The following SHISA6 variants were observed in gnomAD, a reference collection of about 807,000 sequenced individuals.
SHISA6 encodes the protein shisa family member 6.
In SHISA6, 22 loss-of-function variants were observed where a neutral mutation model predicts 47.9. The ratio of observed to expected loss-of-function variants is 0.46; its 90% CI spans 0.33 to 0.66. SHISA6 has a LOEUF of 0.66. SHISA6 is among the 30% of genes least tolerant of loss of function. The pLI is 0.02. For missense variants in SHISA6, 680 were observed against 764.6 expected, an observed-to-expected ratio of 0.89 and a Z score of 1.30; for synonymous variants, 388 against 337.8, an observed-to-expected ratio of 1.15 and a Z score of -1.63.
At chr17:11,341,219 A>G (rs2142212874) in intron 2 of SHISA6, among the ~76,000 whole-genome samples, 1 of 152,300 alleles carries the variant, frequency 6.6e-6, no homozygotes, top group East Asian at 1.9e-4. Context: ...TTAATGCAAC[A>G]GCAACAATAA....
At chr17:11,486,569 G>C (rs1916354035) in intron 3 of SHISA6, among the ~76,000 whole-genome samples, 1 of 152,190 alleles carries the variant, frequency 6.6e-6, no homozygotes, top group South Asian at 2.1e-4. Context: ...TTGACAAATG[G>C]GCGGTCAGAG....
intron 1 of SHISA6, among the ~76,000 whole-genome samples, chr17:11,251,051 A>G (rs1274252377): frequency 6.6e-6 from 1 of 152,164 alleles, no homozygotes; most frequent in African/African-American, 2.4e-5. Flanking sequence ...AGAGAGGCTT[A>G]GTAACTTGCC....
intron 3 of SHISA6, among the ~76,000 whole-genome samples, chr17:11,388,935 T>A (rs1436196508): frequency 6.6e-6 from 1 of 151,508 alleles, no homozygotes; most frequent in Non-Finnish European, 1.5e-5. Context: ...GCAATGATTC[T>A]GCAAAACTCC....
intron 2 of SHISA6, among the ~76,000 whole-genome samples, chr17:11,340,669 A>C (rs1425508371): frequency 2.0e-5 from 3 of 152,204 alleles, no homozygotes; most frequent in African/African-American, 7.2e-5. Context: ...AGTCTGGCCC[A>C]GGAAGGATCC....
chr17:11,554,965 G>C (rs1389893300), intron 4 of SHISA6, among the ~76,000 whole-genome samples: 1 of 151,886 alleles, frequency 6.6e-6, no homozygotes, highest in East Asian at 1.9e-4. Context: ...CTTTTCCCCA[G>C]CTCTGGCAAT....
intron 2 of SHISA6, among the ~76,000 whole-genome samples, chr17:11,376,121 A>G (rs1912789561): frequency 6.6e-6 from 1 of 152,138 alleles, no homozygotes; most frequent in East Asian, 1.9e-4. Flanking sequence ...TCTTACCCTG[A>G]TAAGTGGCAG....
At chr17:11,529,730 A>G (rs1002725443) in intron 3 of SHISA6, among the ~76,000 whole-genome samples, 3 of 152,228 alleles carry the variant, frequency 2.0e-5, no homozygotes, top group African/African-American at 4.8e-5. Flanking sequence ...AAATTAAATG[A>G]TAAGACAAAT....
At chr17:11,535,194 T>C (rs184959951) in intron 3 of SHISA6, among the ~76,000 whole-genome samples, 29 of 152,092 alleles carry the variant, frequency 1.9e-4, no homozygotes, top group African/African-American at 6.8e-4. Flanking sequence ...AGGTATAAGA[T>C]GGCAGAGGAC....
intron 2 of SHISA6, among the ~76,000 whole-genome samples, chr17:11,350,182 A>ATTTTTTTTTTT (rs778331945): frequency 2.6e-5 from 3 of 116,270 alleles, no homozygotes; most frequent in East Asian, 2.7e-4. Flanking sequence ...TTATTTATTT[A>ATTTTTTTTTTT]TTTTTTTTTT....
In SHISA6 at chr17:11,272,105, C is replaced by T. The variant is rs570607468; in HGVS notation, c.799+8579C>T. ...GCTCCACTACCAGGCACCCTCCTTC[C>T]CACAGTTTTGGGGGGTTCTGGGAAC... is the stretch of plus-strand genomic sequence containing the variant. On this transcript the variant is annotated intron_variant, in intron 2 of 5. Coordinates refer to ENST00000441885, the MANE Select transcript of SHISA6 (RefSeq NM_207386.4). 1.1e-4 allele frequency among the ~76,000 whole-genome samples: 17 copies of T among 152,268 alleles called. No homozygotes were observed. In the East Asian group the frequency reaches 3.3e-3, roughly 29 times the overall value.
At chr17:11,390,571 T>C (rs903727832) in intron 3 of SHISA6, among the ~76,000 whole-genome samples, 3 of 152,204 alleles carry the variant, frequency 2.0e-5, no homozygotes, top group Admixed American at 2.0e-4. Context: ...AATTCATACA[T>C]GCATTAAAAT....
intron 3 of SHISA6, 112 bp from the exon 4 acceptor site, chr17:11,551,784 G>A: frequency 2.2e-6 from 2 of 913,276 alleles, no homozygotes; most frequent in Admixed American, 2.2e-5. Context: ...TCTTAGAAGT[G>A]CTTCCTTTAA....
intron 2 of SHISA6, among the ~76,000 whole-genome samples, chr17:11,313,520 A>G (rs1162503670): frequency 6.6e-6 from 1 of 152,188 alleles, no homozygotes; most frequent in African/African-American, 2.4e-5. Context: ...CAGACAGACA[A>G]AATTATTGCA....
At chr17:11,339,456 A>T (rs1031639239) in intron 2 of SHISA6, among the ~76,000 whole-genome samples, 7 of 151,880 alleles carry the variant, frequency 4.6e-5, no homozygotes, top group Non-Finnish European at 8.8e-5. Flanking sequence ...TGTTATTTTT[A>T]AATTTTTCTA....
rs527803051 is a variant in SHISA6 at position 11,564,011 on chromosome 17, T to G, written c.*5707T>G. 1 of 152,214 alleles carries G rather than the reference T, an allele frequency of 6.6e-6. No homozygotes were observed. Among genetic ancestry groups the G allele is most frequent in the Non-Finnish European group, 1.5e-5 (1 of 68,034 alleles). The allele number at this position is 152,214 out of a possible 1,614,324, so 9.4% of individuals were successfully genotyped here. On this transcript the variant is annotated 3_prime_UTR_variant, in exon 6 of 6. Coordinates refer to ENST00000441885, the MANE Select transcript of SHISA6 (RefSeq NM_207386.4). ...GATTTAGTCTTAAGGATTTTTCCAC[T>G]TTTGTCAGTAACAGATATTTATGGA...
chr17:11,350,615 A>G (rs1469567258), intron 2 of SHISA6, among the ~76,000 whole-genome samples: 3 of 151,996 alleles, frequency 2.0e-5, no homozygotes, highest in Non-Finnish European at 4.4e-5. Context: ...TCCACTGTCA[A>G]TCATCTCTCA....
At chr17:11,366,415 C>T (rs531744782) in intron 2 of SHISA6, among the ~76,000 whole-genome samples, 26 of 152,328 alleles carry the variant, frequency 1.7e-4, no homozygotes, top group African/African-American at 5.8e-4. Flanking sequence ...GCTGGGATTA[C>T]AGGCATGAGC....
At chr17:11,444,923 A>G (rs1915190850) in intron 3 of SHISA6, among the ~76,000 whole-genome samples, 1 of 152,226 alleles carries the variant, frequency 6.6e-6, no homozygotes, top group African/African-American at 2.4e-5. Flanking sequence ...AGAGGAGATC[A>G]CAATTTTCTT....
At chr17:11,337,075 T>C (rs936813732) in intron 2 of SHISA6, among the ~76,000 whole-genome samples, 7 of 152,164 alleles carry the variant, frequency 4.6e-5, no homozygotes, top group Non-Finnish European at 1.0e-4. Flanking sequence ...GATGGAGCCC[T>C]ACATCTTCCT....
Sources: gnomAD v4.1 joint callset for allele counts (sites outside exome capture counted in the v4.1 genomes callset) on GRCh38, gnomAD v4.1.1 for gene constraint, MANE v1.5 for transcripts, NCBI Gene and HGNC (gene_info 2026-07-23, HGNC 2026-07-21) for gene names.